Variants in GNL3L observed in about 807,000 individuals in gnomAD.
GNL3L encodes the protein guanine nucleotide-binding protein-like 3-like protein.
GNL3L carries 4 observed loss-of-function variants against 42.9 expected under a neutral mutation model. The ratio of observed to expected loss-of-function variants is 0.09; its 90% CI spans 0.05 to 0.21. The LOEUF (loss-of-function observed/expected upper bound fraction) is 0.21, where lower values mean the gene tolerates loss of function less well. Among genes scored for constraint, GNL3L ranks in the 10% least tolerant of loss-of-function variants. The pLI, the probability that GNL3L is intolerant of heterozygous loss-of-function variation, is 1.00. For missense variants in GNL3L, 412 were observed against 481.7 expected (o/e 0.86, Z 1.36); for synonymous variants, 159 against 176.3 (o/e 0.90, Z 0.78).
At position 54,564,402 on chromosome X, in the gene GNL3L, C is replaced by CTTTTTTTTT. The variant is rs567172499; in HGVS notation, c.*3812_*3820dup. Among the ~76,000 whole-genome samples the CTTTTTTTTT allele has an allele frequency of 1.2e-5, 1 of 80,810 alleles. No homozygotes were observed. Among genetic ancestry groups the CTTTTTTTTT allele is most frequent in the African/African-American group, 5.0e-5 (1 of 20,058 alleles). 70.2% of individuals were successfully genotyped at this position (80,810 alleles called of 115,157 possible). A position where few individuals can be genotyped will look rare whatever the true frequency, so the allele number is the denominator to read the frequency against. ...AGTCACTGGTTTTTTTCTTCGTTCT[C>CTTTTTTTTT]TTTTTTTTTTTTTTTTTTTTGAGAC... On this transcript the variant is annotated 3_prime_UTR_variant, in exon 16 of 16. Transcript: ENST00000360845.
At chrX:54,539,478 T>C (rs909306749) in intron 3 of GNL3L, among the ~76,000 whole-genome samples, 5 of 110,961 alleles carry the variant, frequency 4.5e-5, no homozygotes, top group Non-Finnish European at 9.4e-5. Context: ...CTGGATCTCC[T>C]GGTCCTGCTG....
At chrX:54,636,632 C>T in the GNL3L span, among the ~76,000 whole-genome samples, 1 of 111,446 alleles carries the variant, frequency 9.0e-6, no homozygotes. Flanking sequence ...ATTTGGTTCC[C>T]TGTTCCTGTG....
At chrX:54,603,636 A>G (rs1049717755) in intron 16 of GNL3L, among the ~76,000 whole-genome samples, 2 of 111,729 alleles carry the variant, frequency 1.8e-5, no homozygotes, top group African/African-American at 6.5e-5. Flanking sequence ...CTTTCATAGT[A>G]TTCCTGCCAA....
At chrX:54,573,099 C>T (rs1332468771) in intron 16 of GNL3L, among the ~76,000 whole-genome samples, 4 of 108,066 alleles carry the variant, frequency 3.7e-5, no homozygotes, top group Non-Finnish European at 5.8e-5. Context: ...ACATCCCAGA[C>T]GATGGGTGGC....
chrX:54,636,480 A>G, the GNL3L span, among the ~76,000 whole-genome samples: 1 of 111,570 alleles, frequency 9.0e-6, no homozygotes, highest in African/African-American at 3.3e-5. Flanking sequence ...TCACCCAGGT[A>G]GTGAGCATAG....
chrX:54,597,781 G>C (rs1436694789), intron 16 of GNL3L, among the ~76,000 whole-genome samples: 2 of 111,194 alleles, frequency 1.8e-5, no homozygotes, highest in East Asian at 5.7e-4. Flanking sequence ...ACCTCTATGG[G>C]TGGGCATCAG....
chrX:54,547,483 T>C (rs1210572520), intron 8 of GNL3L, among the ~76,000 whole-genome samples: 5 of 110,653 alleles, frequency 4.5e-5, no homozygotes, highest in Non-Finnish European at 9.5e-5. Context: ...GGTGGGCAGA[T>C]TGCTTGATGC....
chrX:54,573,165 A>G (rs1410021843), intron 16 of GNL3L, among the ~76,000 whole-genome samples: 30 of 111,891 alleles, frequency 2.7e-4, no homozygotes, highest in African/African-American at 9.4e-4. Flanking sequence ...AGAGGCTGCA[A>G]TCTCGGCACT....
chrX:54,587,993 T>C (rs1382853630), intron 16 of GNL3L, among the ~76,000 whole-genome samples: 1 of 112,225 alleles, frequency 8.9e-6, no homozygotes, highest in Non-Finnish European at 1.9e-5. Flanking sequence ...GTTGTACTTT[T>C]AATTTCCGTT....
At chrX:54,643,351 T>C in the GNL3L span, among the ~76,000 whole-genome samples, 2 of 111,701 alleles carry the variant, frequency 1.8e-5, no homozygotes, top group Non-Finnish European at 3.8e-5. Context: ...GTCTTTTGTC[T>C]TTGCTTGTGG....
At chrX:54,531,070 G>A (rs1262627495) in intron 1 of GNL3L, among the ~76,000 whole-genome samples, 1 of 111,303 alleles carries the variant, frequency 9.0e-6, no homozygotes, top group Admixed American at 9.5e-5. Flanking sequence ...CCCTACTTCC[G>A]TAGCCCCCGT....
chrX:54,566,538 C>A lies in GNL3L; in HGVS notation c.*5936C>A, dbSNP rs183598670. ...TACTTTCTGTCTCTGAATTTGAATA[C>A]CCTGATAGTCATATAATATTTATCT... On this transcript the variant is annotated 3_prime_UTR_variant, in exon 16 of 16. Coordinates refer to ENST00000360845, the MANE Select transcript of GNL3L (RefSeq NM_001184819.2). 4.7e-3 allele frequency among the ~76,000 whole-genome samples: 525 copies of A among 112,420 alleles called. 4 individuals are homozygous for A. Among genetic ancestry groups the A allele is most frequent in the African/African-American group, 0.016 (495 of 30,998 alleles).
chrX:54,642,986 T>C, the GNL3L span, among the ~76,000 whole-genome samples: 1 of 112,159 alleles, frequency 8.9e-6, no homozygotes, highest in African/African-American at 3.2e-5. Context: ...CAGTAACTGT[T>C]AACAGTTTTG....
At chrX:54,586,728 A>G (rs773343353) in intron 16 of GNL3L, among the ~76,000 whole-genome samples, 1 of 111,988 alleles carries the variant, frequency 8.9e-6, no homozygotes, top group African/African-American at 3.2e-5. Context: ...TACATACCAC[A>G]GACAGCATCT....
chrX:54,576,905 G>A (rs1038441999), intron 16 of GNL3L, among the ~76,000 whole-genome samples: 1 of 111,507 alleles, frequency 9.0e-6, no homozygotes, highest in African/African-American at 3.3e-5. Flanking sequence ...TAAAAAATAC[G>A]TAAAGAAAAA....
At chrX:54,556,152 T>C (rs1925088563) in intron 14 of GNL3L, among the ~76,000 whole-genome samples, 1 of 111,223 alleles carries the variant, frequency 9.0e-6, no homozygotes, top group Non-Finnish European at 1.9e-5. Flanking sequence ...GTTTTCATAC[T>C]GCTGTAAAGA....
rs1338501675 is a variant in GNL3L at position 54,564,477 on chromosome X, G to A, written c.*3875G>A. Among the ~76,000 whole-genome samples, 11 of 99,499 alleles carry A rather than the reference G, an allele frequency of 1.1e-4. No individual in the cohort carries two copies. The highest frequency in any genetic ancestry group is 1.8e-4 in the Non-Finnish European group (9 of 50,172). 86.4% of individuals were successfully genotyped at this position (99,499 alleles called of 115,157 possible). ...TGGAGTGGTGCAGTGGCGTGATCTC[G>A]GTTCACTGCAACCTCCGCCTCCAGG... On this transcript the variant is annotated 3_prime_UTR_variant, in exon 16 of 16. Transcript: ENST00000360845.
rs1037525328 is a variant in GNL3L at position 54,574,567 on chromosome X, C to T, written c.*45+13920C>T. On this transcript the variant is annotated intron_variant, in intron 16 of 16. Coordinates refer to the GNL3L transcript ENST00000674498. ...TTTCTTGAGAATTTTTATGTCTATT[C>T]AAAAGGTATATTTGTATATAGTTTT... Among the ~76,000 whole-genome samples the T allele has an allele frequency of 4.5e-5, 5 of 112,023 alleles. 1 individual carries two copies. The highest frequency in any genetic ancestry group is 1.6e-4 in the African/African-American group (5 of 30,883).
intron 16 of GNL3L, among the ~76,000 whole-genome samples, chrX:54,609,786 G>A (rs1926141406): frequency 8.9e-6 from 1 of 111,908 alleles, no homozygotes; most frequent in South Asian, 3.7e-4. Context: ...GTCGTGTGAT[G>A]CCTCCACAAT....
Sources: gnomAD v4.1 joint callset for allele counts (sites outside exome capture counted in the v4.1 genomes callset) on GRCh38, gnomAD v4.1.1 for gene constraint, MANE v1.5 for transcripts, NCBI Gene and HGNC (gene_info 2026-07-23, HGNC 2026-07-21) for gene names.